Variants in SOX12 observed in about 807,000 individuals in gnomAD.
SOX12 encodes the protein transcription factor SOX-12.
SOX12 carries 8 observed loss-of-function variants against 21.5 expected under a neutral mutation model. The observed-to-expected ratio is 0.37, with a 90% CI of 0.22 to 0.67. SOX12 has a LOEUF of 0.67. Among genes scored for constraint, SOX12 ranks in the 30% least tolerant of loss-of-function variants. SOX12 has a pLI of 0.56. For missense variants in SOX12, 400 were observed against 482.6 expected, an observed-to-expected ratio of 0.83 and a Z score of 1.60; for synonymous variants, 235 against 224.2, an observed-to-expected ratio of 1.05 and a Z score of -0.43.
At position 326,079 on chromosome 20, in the gene SOX12, A is replaced by G. The variant is rs1205112667; in HGVS notation, c.155A>G (p.Gln52Arg). 6.2e-7 allele frequency: 1 copy of G among 1,602,158 alleles called. No individual in the cohort carries two copies. Among genetic ancestry groups the G allele is most frequent in the South Asian group, 1.1e-5 (1 of 89,340 alleles). Residue 52 changes from glutamine (Q) to arginine (R), a missense_variant, in exon 1 of 1, where the codon CAG becomes CGG. This residue lies in a region of SOX12 where 92 missense variants were observed against 162.0 expected (regional missense o/e 0.57). Transcript: ENST00000342665. The surrounding 1 kb of genome is among the most constrained non-coding windows in gnomAD (Gnocchi z 9.9). ...RPMNAFMVWS[Q>R]HERRKIMDQW... ...ATGAACGCATTCATGGTGTGGTCGC[A>G]GCACGAACGGCGGAAGATCATGGAC...
chr20:326,624 G>T lies in SOX12; in HGVS notation c.700G>T (p.Ala234Ser), dbSNP rs2013099071. 1.3e-6 allele frequency: 2 copies of T among 1,544,680 alleles called. No individual in the cohort carries two copies. Among genetic ancestry groups the T allele is most frequent in the African/African-American group, 1.4e-5 (1 of 72,792 alleles). The change falls in exon 1 of 1, where the codon GCG becomes TCG. Residue 234 changes from alanine (A) to serine (S), a missense_variant. By Grantham distance (99) the Ala-to-Ser change is moderately conservative. Around this residue, in one of 4 missense-constraint regions of SOX12, gnomAD observed 235 missense variants for 219.3 expected, o/e 1.07. Transcript: ENST00000342665. The surrounding 1 kb of genome is among the most constrained non-coding windows in gnomAD (Gnocchi z 9.9). ...DEEPEEEEEEAAAAEEGEEET... is the reference protein window; with the variant it reads ...DEEPEEEEEESAAAEEGEEET... The stretch of plus-strand genomic sequence containing the variant: ...GGAGCCGGAGGAAGAGGAGGAGGAG[G>T]CGGCAGCGGCTGAGGAAGGTGAAGA...
At position 326,551 on chromosome 20, in the gene SOX12, G is replaced by A. The variant is rs1225968181; in HGVS notation, c.627G>A (p.Glu209=). ...QAERAQGPSG[E]GAAAAAAASP... is the part of the protein sequence containing the mutation. ...AGCGCGCCCAAGGGCCGTCGGGCGA[G>A]GGGGCGGCCGCCGCCGCCGCCGCCT... Residue 209 remains glutamate, a synonymous_variant, in exon 1 of 1, where the codon GAG becomes GAA. Transcript: ENST00000342665. The surrounding 1 kb of genome is among the most constrained non-coding windows in gnomAD (Gnocchi z 9.9). 3 of 1,514,264 alleles carry A rather than the reference G, an allele frequency of 2.0e-6. No homozygotes were observed. Among genetic ancestry groups the A allele is most frequent in the Non-Finnish European group, 1.8e-6 (2 of 1,137,772 alleles). 93.8% of individuals were successfully genotyped at this position (1,514,264 alleles called of 1,614,324 possible).
chr20:325,621 A>G lies in SOX12; in HGVS notation c.-304A>G, dbSNP rs563163591. 0.033 allele frequency: 4,985 copies of G among 150,434 alleles called. 123 individuals are homozygous for G. Among genetic ancestry groups the G allele is most frequent in the African/African-American group, 0.067 (2,758 of 41,210 alleles). The allele number at this position is 150,434 out of a possible 1,614,324, so 9.3% of individuals were successfully genotyped here. Reference sequence around the variant, plus strand: ...CGCGGCGGAGCCAGAGGCTGCAGGAAGAGCCCGCGGGGGCCCGGAGGGTGC... The same window carrying G: ...CGCGGCGGAGCCAGAGGCTGCAGGAGGAGCCCGCGGGGGCCCGGAGGGTGC... On this transcript the variant is annotated 5_prime_UTR_variant, in exon 1 of 1. Coordinates refer to ENST00000342665, the MANE Select transcript of SOX12 (RefSeq NM_006943.4). This position sits in a 1 kb window ranked among gnomAD's most constrained non-coding sequence, Gnocchi z 5.0.
Position 326,988 on chromosome 20 carries a change from C to T in SOX12, c.*116C>T. ...CCCCATCTCCCGCGCAGCCTGCCCC[C>T]TCCTGGACGTGCCCATCCCCCCTCA... On this transcript the variant is annotated 3_prime_UTR_variant, in exon 1 of 1. Coordinates refer to ENST00000342665, the MANE Select transcript of SOX12 (RefSeq NM_006943.4). This position sits in a 1 kb window ranked among gnomAD's most constrained non-coding sequence, Gnocchi z 9.9. The T allele has an allele frequency of 1.0e-6, 1 of 963,150 alleles. No individual in the cohort carries two copies. Among genetic ancestry groups the T allele is most frequent in the South Asian group, 1.3e-5 (1 of 75,978 alleles). 59.7% of individuals were successfully genotyped at this position (963,150 alleles called of 1,614,324 possible). A position where few individuals can be genotyped will look rare whatever the true frequency, so the allele number is the denominator to read the frequency against.
rs2013113439 is a variant in SOX12, at chr20:327,108, C to A, written c.*236C>A. 1 of 589,040 alleles carries A rather than the reference C, an allele frequency of 1.7e-6. No individual in the cohort carries two copies. The allele number at this position is 589,040 out of a possible 1,614,324, so 36.5% of individuals were successfully genotyped here. On this transcript the variant is annotated 3_prime_UTR_variant, in exon 1 of 1. Coordinates refer to ENST00000342665, the MANE Select transcript of SOX12 (RefSeq NM_006943.4). ...CAAGCCCCTCCCCACGTCGCCCCCT[C>A]CTGCACAGCCACCAGCAGCCAGCCC... is the stretch of plus-strand genomic sequence containing the variant.
rs6050323 is a variant in SOX12, at chr20:329,625, C to G, written c.*2753C>G. Reference sequence around the variant, plus strand: ...TGAATGACCAAAGAGCAACAGAAGTCTAGTGATTCTTGTCTTTGAGGTTCT... The same window carrying G: ...TGAATGACCAAAGAGCAACAGAAGTGTAGTGATTCTTGTCTTTGAGGTTCT... On this transcript the variant is annotated 3_prime_UTR_variant, in exon 1 of 1. Transcript: ENST00000342665. The G allele has an allele frequency of 0.17, 27,660 of 167,138 alleles. 4,509 individuals are homozygous for G. Among genetic ancestry groups the G allele is most frequent in the African/African-American group, 0.44 (18,294 of 41,472 alleles). The allele number at this position is 167,138 out of a possible 1,614,324, so 10.4% of individuals were successfully genotyped here.
chr20:328,849 G>A lies in SOX12; in HGVS notation c.*1977G>A, dbSNP rs1181016752. On this transcript the variant is annotated 3_prime_UTR_variant, in exon 1 of 1. Transcript: ENST00000342665. ...TGTCCCAGGGCAAGCCACCTTGCCT[G>A]TCTAGGCCTCTATGTCAGGACTCCC... 1 of 167,206 alleles carries A rather than the reference G, an allele frequency of 6.0e-6. No homozygotes were observed. Among genetic ancestry groups the A allele is most frequent in the African/African-American group, 2.4e-5 (1 of 41,472 alleles). 10.4% of individuals were successfully genotyped at this position (167,206 alleles called of 1,614,324 possible). A position where few individuals can be genotyped will look rare whatever the true frequency, so the allele number is the denominator to read the frequency against.
rs2013137551 is a variant in SOX12, at chr20:328,303, C to T, written c.*1431C>T. On this transcript the variant is annotated 3_prime_UTR_variant, in exon 1 of 1. Transcript: ENST00000342665. ...CCTCCCCACACCCCCCTTGCCCTCA[C>T]TACCTGTATCTCACCGGCGTGTGTT... 1.2e-5 allele frequency: 2 copies of T among 164,912 alleles called. No individual in the cohort carries two copies. The highest frequency in any genetic ancestry group is 4.3e-4 in the South Asian group (2 of 4,650). 10.2% of individuals were successfully genotyped at this position (164,912 alleles called of 1,614,324 possible). A position where few individuals can be genotyped will look rare whatever the true frequency, so the allele number is the denominator to read the frequency against.
Position 326,171 on chromosome 20 carries a change from G to A in SOX12, c.247G>A (p.Asp83Asn). 1 of 1,594,588 alleles carries A rather than the reference G, an allele frequency of 6.3e-7. No individual in the cohort carries two copies. ...GGGCCGCCGCTGGCAGCTGCTGCAGGACTCGGAGAAGATCCCGTTCGTGCG... is the reference window on the plus strand; with the variant it reads ...GGGCCGCCGCTGGCAGCTGCTGCAGAACTCGGAGAAGATCCCGTTCGTGCG... The part of the protein sequence containing the change: ...RLGRRWQLLQ[D>N]SEKIPFVREA... The change falls in exon 1 of 1, where the codon GAC becomes AAC. Residue 83 changes from aspartate (D) to asparagine (N), a missense_variant. Asp to Asn is a conservative substitution (Grantham distance 23, BLOSUM62 1). This residue lies in a region of SOX12 where 92 missense variants were observed against 162.0 expected (regional missense o/e 0.57). Coordinates refer to ENST00000342665, the MANE Select transcript of SOX12 (RefSeq NM_006943.4). The surrounding 1 kb of genome is among the most constrained non-coding windows in gnomAD (Gnocchi z 9.9).
chr20:326,635 T>C lies in SOX12; in HGVS notation c.711T>C (p.Ala237=). ...PEEEEEEAAA[A]EEGEEETVAS... ...AAGAGGAGGAGGAGGCGGCAGCGGC[T>C]GAGGAAGGTGAAGAGGAGACGGTGG... The change falls in exon 1 of 1, where the codon GCT becomes GCC. Residue 237 remains alanine, a synonymous_variant. Transcript: ENST00000342665. This position sits in a 1 kb window ranked among gnomAD's most constrained non-coding sequence, Gnocchi z 9.9. The C allele has an allele frequency of 6.5e-7, 1 of 1,546,912 alleles. No individual in the cohort carries two copies. Among genetic ancestry groups the C allele is most frequent in the Non-Finnish European group, 8.7e-7 (1 of 1,144,322 alleles).
rs1200740577 is a variant in SOX12, at chr20:328,884, T to C, written c.*2012T>C. ...CTATGTCAGGACTCCCTGGCCTTCA[T>C]GAAGAATAGCAAACTCATCCCTGTA... On this transcript the variant is annotated 3_prime_UTR_variant, in exon 1 of 1. Coordinates refer to ENST00000342665, the MANE Select transcript of SOX12 (RefSeq NM_006943.4). 6.0e-6 allele frequency: 1 copy of C among 167,116 alleles called. No individual in the cohort carries two copies. Among genetic ancestry groups the C allele is most frequent in the East Asian group, 1.9e-4 (1 of 5,188 alleles). The allele number at this position is 167,116 out of a possible 1,614,324, so 10.4% of individuals were successfully genotyped here. A position where few individuals can be genotyped will look rare whatever the true frequency, so the allele number is the denominator to read the frequency against.
At position 326,113 on chromosome 20, in the gene SOX12, C is replaced by T. The variant is rs1388118463; in HGVS notation, c.189C>T (p.Pro63=). 4 of 1,602,030 alleles carry T rather than the reference C, an allele frequency of 2.5e-6. No individual in the cohort carries two copies. Among genetic ancestry groups the T allele is most frequent in the South Asian group, 1.1e-5 (1 of 89,464 alleles). ...GGCGGAAGATCATGGACCAGTGGCCCGACATGCACAACGCCGAGATCTCCA... is the reference window on the plus strand; with the variant it reads ...GGCGGAAGATCATGGACCAGTGGCCTGACATGCACAACGCCGAGATCTCCA... ...HERRKIMDQW[P]DMHNAEISKR... Residue 63 remains proline, a synonymous_variant, in exon 1 of 1, where the codon CCC becomes CCT. Coordinates refer to ENST00000342665, the MANE Select transcript of SOX12 (RefSeq NM_006943.4). The surrounding 1 kb of genome is among the most constrained non-coding windows in gnomAD (Gnocchi z 9.9).
Position 326,374 on chromosome 20 carries a change from A to G in SOX12, c.450A>G (p.Ala150=), listed in dbSNP as rs1375538540. The change falls in exon 1 of 1, where the codon GCA becomes GCG. Residue 150 remains alanine (A), a synonymous_variant. Transcript: ENST00000342665. This position sits in a 1 kb window ranked among gnomAD's most constrained non-coding sequence, Gnocchi z 9.9. ...PQLPGRGGRR[A]AGGPLGGGAA... is the part of the protein sequence containing the mutation. ...TGCCTGGCCGCGGGGGCCGCCGAGC[A>G]GCGGGAGGGCCTTTGGGGGGCGGGG... is the stretch of plus-strand genomic sequence containing the variant. 7.7e-7 allele frequency: 1 copy of G among 1,298,370 alleles called. No homozygotes were observed. Among genetic ancestry groups the G allele is most frequent in the African/African-American group, 1.6e-5 (1 of 64,432 alleles). 80.4% of individuals were successfully genotyped at this position (1,298,370 alleles called of 1,614,324 possible).
rs1216396413 is a variant in SOX12 at position 325,844 on chromosome 20, C to G, written c.-81C>G. The G allele has an allele frequency of 1.2e-6, 1 of 822,112 alleles. No individual in the cohort carries two copies. The highest frequency in any genetic ancestry group is 1.8e-5 in the African/African-American group (1 of 54,084). The allele number at this position is 822,112 out of a possible 1,614,324, so 50.9% of individuals were successfully genotyped here. ...GCGGGGCGGGGCCGCCCCTCCGTCG[C>G]CGCTGCCTCCTCCCCCACCCCCAGC... On this transcript the variant is annotated 5_prime_UTR_variant, in exon 1 of 1. Transcript: ENST00000342665. The surrounding 1 kb of genome is among the most constrained non-coding windows in gnomAD (Gnocchi z 5.0).
Position 329,497 on chromosome 20 carries a change from C to T in SOX12, c.*2625C>T, listed in dbSNP as rs539636618. ...TGGCTTCGGGGTGCTGCCTCTCCCT[C>T]CCTGTTTGAATCTGCAGATTGTGTT... On this transcript the variant is annotated 3_prime_UTR_variant, in exon 1 of 1. Coordinates refer to ENST00000342665, the MANE Select transcript of SOX12 (RefSeq NM_006943.4). The T allele has an allele frequency of 7.5e-4, 126 of 167,180 alleles. No homozygotes were observed. Among genetic ancestry groups the T allele is most frequent in the Middle Eastern group, 3.4e-3 (1 of 296 alleles). The allele number at this position is 167,180 out of a possible 1,614,324, so 10.4% of individuals were successfully genotyped here.
In SOX12 at chr20:329,257, G is replaced by C. The variant is rs1000835030; in HGVS notation, c.*2385G>C. The stretch of plus-strand genomic sequence containing the variant: ...AGCCCAGCTCCACCACTGAGCACCC[G>C]TGTGACTCTTTCCATATGTATAACG... On this transcript the variant is annotated 3_prime_UTR_variant, in exon 1 of 1. Transcript: ENST00000342665. 6.0e-6 allele frequency: 1 copy of C among 167,148 alleles called. No individual in the cohort carries two copies. Among genetic ancestry groups the C allele is most frequent in the East Asian group, 1.9e-4 (1 of 5,202 alleles). 10.4% of individuals were successfully genotyped at this position (167,148 alleles called of 1,614,324 possible).
Position 326,099 on chromosome 20 carries a change from A to G in SOX12, c.175A>G (p.Met59Val). 2 of 1,602,446 alleles carry G rather than the reference A, an allele frequency of 1.2e-6. No individual in the cohort carries two copies. Among genetic ancestry groups the G allele is most frequent in the Non-Finnish European group, 1.7e-6 (2 of 1,174,992 alleles). ...VWSQHERRKIMDQWPDMHNAE... is the reference protein window; with the variant it reads ...VWSQHERRKIVDQWPDMHNAE... ...GTCGCAGCACGAACGGCGGAAGATC[A>G]TGGACCAGTGGCCCGACATGCACAA... The change falls in exon 1 of 1, where the codon ATG becomes GTG. Residue 59 changes from methionine (M) to valine (V), a missense_variant. Transcript: ENST00000342665. This position sits in a 1 kb window ranked among gnomAD's most constrained non-coding sequence, Gnocchi z 9.9.
rs2013158849 is a variant in SOX12 at position 329,470 on chromosome 20, C to T, written c.*2598C>T. On this transcript the variant is annotated 3_prime_UTR_variant, in exon 1 of 1. Coordinates refer to ENST00000342665, the MANE Select transcript of SOX12 (RefSeq NM_006943.4). Reference sequence around the variant, plus strand: ...GGCTTGGTTCTGCTTCCTGGTGAAGCATGGCTTCGGGGTGCTGCCTCTCCC... The same window carrying T: ...GGCTTGGTTCTGCTTCCTGGTGAAGTATGGCTTCGGGGTGCTGCCTCTCCC... The T allele has an allele frequency of 6.0e-6, 1 of 166,974 alleles. No individual in the cohort carries two copies. Among genetic ancestry groups the T allele is most frequent in the Non-Finnish European group, 1.5e-5 (1 of 68,170 alleles). 10.3% of individuals were successfully genotyped at this position (166,974 alleles called of 1,614,324 possible).
At position 329,378 on chromosome 20, in the gene SOX12, G is replaced by A. The variant is rs777499590; in HGVS notation, c.*2506G>A. On this transcript the variant is annotated 3_prime_UTR_variant, in exon 1 of 1. Transcript: ENST00000342665. ...CCATCGTGTTACTCCATTGTCAGAG[G>A]AGGAAACGGGGTCAGGCAGGAAAGC... is the stretch of plus-strand genomic sequence containing the variant. The A allele has an allele frequency of 6.0e-6, 1 of 167,000 alleles. No homozygotes were observed. Among genetic ancestry groups the A allele is most frequent in the African/African-American group, 2.4e-5 (1 of 41,476 alleles). The allele number at this position is 167,000 out of a possible 1,614,324, so 10.3% of individuals were successfully genotyped here. A position where few individuals can be genotyped will look rare whatever the true frequency, so the allele number is the denominator to read the frequency against.
Sources: allele counts gnomAD v4.1 joint callset, GRCh38; gene constraint gnomAD v4.1.1; regional missense constraint gnomAD v4.1.1; non-coding constraint Gnocchi (gnomAD v3.1); transcripts MANE v1.5; gene names NCBI Gene and HGNC (gene_info 2026-07-23, HGNC 2026-07-21).